Variants in CERS6 observed in about 807,000 individuals in gnomAD.
CERS6 encodes LAG1 homolog, ceramide synthase 6.
Under a neutral mutation model 56.8 loss-of-function variants are expected in CERS6, and 26 were observed. The ratio of observed to expected loss-of-function variants is 0.46; its 90% CI spans 0.34 to 0.63. The LOEUF is 0.63. CERS6 is among the 30% of genes least tolerant of loss of function. CERS6 has a pLI of 0.01. For missense variants in CERS6, 415 were observed against 467.5 expected (o/e 0.89, Z 1.04); for synonymous variants, 164 against 173.3 (o/e 0.95, Z 0.42).
chr2:168,539,388 TTC>T (rs1695325974), intron 1 of CERS6, among the ~76,000 whole-genome samples: 1 of 152,364 alleles, frequency 6.6e-6, no homozygotes, highest in East Asian at 1.9e-4. Context: ...TAGTTTATAT[TTC>T]TGTTAAATGA....
chr2:168,596,555 C>CTTT (rs35269601), intron 3 of CERS6, among the ~76,000 whole-genome samples: 47 of 114,836 alleles, frequency 4.1e-4, no homozygotes, highest in Non-Finnish European at 5.7e-4. Flanking sequence ...ATCCCCCCCC[C>CTTT]TTTTTTTTTT....
At chr2:168,686,433 A>T (rs1371023404) in intron 4 of CERS6, among the ~76,000 whole-genome samples, 1 of 121,724 alleles carries the variant, frequency 8.2e-6, no homozygotes, top group East Asian at 2.4e-4. Flanking sequence ...AAAAAGACGC[A>T]ATTTCTGTTA....
chr2:168,725,279 C>A (rs1683318285), intron 8 of CERS6, among the ~76,000 whole-genome samples: 1 of 152,270 alleles, frequency 6.6e-6, no homozygotes. Context: ...TCATGCCTCT[C>A]CCTCCATACC....
intron 3 of CERS6, among the ~76,000 whole-genome samples, chr2:168,602,987 T>C (rs1416873332): frequency 6.6e-6 from 1 of 151,882 alleles, no homozygotes; most frequent in African/African-American, 2.4e-5. Context: ...ATGTGTAGAT[T>C]ATCTGCCTCT....
At chr2:168,479,672 G>A (rs530124450) in intron 1 of CERS6, among the ~76,000 whole-genome samples, 16 of 152,156 alleles carry the variant, frequency 1.1e-4, no homozygotes, top group East Asian at 1.9e-4. Flanking sequence ...GCAATGGCGC[G>A]ATCTCGGCTC....
chr2:168,503,470 G>A (rs1694621018), intron 1 of CERS6, among the ~76,000 whole-genome samples: 1 of 152,322 alleles, frequency 6.6e-6, no homozygotes, highest in Non-Finnish European at 1.5e-5. Flanking sequence ...TTGACTGGCT[G>A]AAAGATGCTT....
At chr2:168,697,770 C>T (rs1686697129) in intron 6 of CERS6, among the ~76,000 whole-genome samples, 1 of 152,130 alleles carries the variant, frequency 6.6e-6, no homozygotes, top group Non-Finnish European at 1.5e-5. Context: ...TTTATCAGTC[C>T]TTCTCTTGCT....
chr2:168,731,483 C>G (rs1683531150), intron 8 of CERS6, among the ~76,000 whole-genome samples: 1 of 151,982 alleles, frequency 6.6e-6, no homozygotes, highest in African/African-American at 2.4e-5. Flanking sequence ...ACCAAATTTT[C>G]TAGTTTTTAT....
intron 6 of CERS6, among the ~76,000 whole-genome samples, chr2:168,701,931 C>G (rs1686814704): frequency 6.6e-6 from 1 of 152,124 alleles, no homozygotes. Flanking sequence ...TAAATCATCT[C>G]TAGATTACAT....
intron 1 of CERS6, among the ~76,000 whole-genome samples, chr2:168,525,683 T>C (rs1449520740): frequency 6.6e-6 from 1 of 152,230 alleles, no homozygotes; most frequent in African/African-American, 2.4e-5. Context: ...GGTAAGTCCC[T>C]AATGGGGACA....
intron 6 of CERS6, among the ~76,000 whole-genome samples, chr2:168,710,251 A>G (rs1237322861): frequency 6.6e-6 from 1 of 152,214 alleles, no homozygotes; most frequent in African/African-American, 2.4e-5. Flanking sequence ...TTAATTATAA[A>G]ATGGTACTAA....
At chr2:168,566,442 G>A (rs543276734) in intron 3 of CERS6, among the ~76,000 whole-genome samples, 5 of 152,214 alleles carry the variant, frequency 3.3e-5, no homozygotes, top group East Asian at 3.9e-4. Flanking sequence ...GGACCCTTTC[G>A]AAACTGTGAT....
At chr2:168,525,385 G>A (rs1695052675) in intron 1 of CERS6, among the ~76,000 whole-genome samples, 1 of 152,242 alleles carries the variant, frequency 6.6e-6, no homozygotes, top group Non-Finnish European at 1.5e-5. Flanking sequence ...ACGAAGTACA[G>A]CATCTCAAAC....
intron 4 of CERS6, among the ~76,000 whole-genome samples, chr2:168,646,302 C>CT (rs577291526): frequency 2.0e-3 from 301 of 151,430 alleles, no homozygotes; most frequent in African/African-American, 5.3e-3. Context: ...CAATATTGAG[C>CT]TTTTTTTTTC....
chr2:168,456,811 C>A lies in CERS6; in HGVS notation c.170+193C>A, dbSNP rs191200232. Among the ~76,000 whole-genome samples, 499 of 152,314 alleles carry A rather than the reference C, an allele frequency of 3.3e-3. 4 individuals are homozygous for A. The highest frequency in any genetic ancestry group is 0.012 in the African/African-American group (485 of 41,572). On this transcript the variant is annotated intron_variant, in intron 1 of 9. Coordinates refer to ENST00000305747, the MANE Select transcript of CERS6 (RefSeq NM_203463.3). This position sits in a 1 kb window ranked among gnomAD's most constrained non-coding sequence, Gnocchi z 4.1. ...GGGAGCCAGAAAGGGTCTGGCTTGCCACGGATTTCCTCCCGGGCGCCGGGG... is the reference window on the plus strand; with the variant it reads ...GGGAGCCAGAAAGGGTCTGGCTTGCAACGGATTTCCTCCCGGGCGCCGGGG...
intron 9 of CERS6, among the ~76,000 whole-genome samples, chr2:168,768,157 C>A (rs946109614): frequency 1.3e-5 from 2 of 152,030 alleles, no homozygotes; most frequent in Non-Finnish European, 2.9e-5. Context: ...ATTTTGACCT[C>A]CATGTGACTT....
chr2:168,556,255 A>G (rs573269042), intron 2 of CERS6, among the ~76,000 whole-genome samples: 1 of 152,298 alleles, frequency 6.6e-6, no homozygotes, highest in Admixed American at 6.5e-5. Flanking sequence ...GTTAATATTG[A>G]TAAAGAAATC....
chr2:168,514,178 CAG>C lies in CERS6; in HGVS notation c.171-33415_171-33414del, dbSNP rs368324295. On this transcript the variant is annotated intron_variant, in intron 1 of 9. Transcript: ENST00000305747. ...TTTTGACAGTTTAGTTACGAATAGT[CAG>C]AGTCTGTCAGGCCAAATTTTAAACC... Among the ~76,000 whole-genome samples, 51 of 152,308 alleles carry C rather than the reference CAG, an allele frequency of 3.3e-4. No individual in the cohort carries two copies. In the South Asian group the frequency reaches 0.01, roughly 31 times the overall value.
At chr2:168,500,966 A>T (rs1574026261) in intron 1 of CERS6, among the ~76,000 whole-genome samples, 1 of 152,238 alleles carries the variant, frequency 6.6e-6, no homozygotes, top group Non-Finnish European at 1.5e-5. Context: ...TATAAAGTAG[A>T]TGTAGGGCTA....
Sources: gnomAD v4.1 joint callset for allele counts (sites outside exome capture counted in the v4.1 genomes callset) on GRCh38, gnomAD v4.1.1 for gene constraint, Gnocchi (gnomAD v3.1) non-coding constraint, MANE v1.5 for transcripts, NCBI Gene and HGNC (gene_info 2026-07-23, HGNC 2026-07-21) for gene names.